The following SKAP2 variants were observed in gnomAD, a reference collection of about 807,000 sequenced individuals.
SKAP2 encodes src kinase-associated phosphoprotein 2.
A neutral mutation model predicts 54.9 loss-of-function variants in SKAP2; 28 were observed. The ratio of observed to expected loss-of-function variants is 0.51; its 90% CI spans 0.38 to 0.70. The LOEUF (loss-of-function observed/expected upper bound fraction) is 0.70, where lower values mean the gene tolerates loss of function less well. Among genes scored for constraint, SKAP2 ranks in the 30% least tolerant of loss-of-function variants. The probability of loss-of-function intolerance (pLI) is 0.00; values close to 1 mark genes in which losing one functional copy is unlikely to be tolerated. For synonymous variants in SKAP2, 137 were observed against 134.3 expected (o/e 1.02, Z -0.14); for missense variants, 356 against 424.1 (o/e 0.84, Z 1.41).
intron 9 of SKAP2, among the ~76,000 whole-genome samples, chr7:26,698,366 A>G (rs975220936): frequency 8.5e-5 from 13 of 152,184 alleles, no homozygotes; most frequent in East Asian, 1.9e-4. Context: ...TATTTTCATA[A>G]TAATACTAAG....
intron 1 of SKAP2, chr7:26,858,239 T>C (rs909553677): frequency 6.6e-6 from 1 of 152,074 alleles, no homozygotes; most frequent in African/African-American, 2.4e-5. Context: ...TCTACACTGC[T>C]TGCATTTAAC....
chr7:26,722,289 T>C (rs1412677238), intron 9 of SKAP2, among the ~76,000 whole-genome samples: 1 of 151,744 alleles, frequency 6.6e-6, no homozygotes, highest in Non-Finnish European at 1.5e-5. Context: ...GGTACTGTAA[T>C]GAAGTTAGAA....
At chr7:26,791,594 G>A (rs959121243) in intron 4 of SKAP2, among the ~76,000 whole-genome samples, 1 of 152,062 alleles carries the variant, frequency 6.6e-6, no homozygotes, top group Non-Finnish European at 1.5e-5. Context: ...ATCTATTTTG[G>A]TTATTTGTAT....
In SKAP2 at chr7:26,864,454, G is replaced by A. The variant is rs547326108; in HGVS notation, c.-25C>T. On this transcript the variant is annotated 5_prime_UTR_variant, in exon 1 of 13. Coordinates refer to ENST00000345317, the MANE Select transcript of SKAP2 (RefSeq NM_003930.5). ...TGTTAGGGAGCGCAGGGCGTGCGGGGAAAGGACCTGCGCTGAAAAGGTGAC... is the reference window on the plus strand; with the variant it reads ...TGTTAGGGAGCGCAGGGCGTGCGGGAAAAGGACCTGCGCTGAAAAGGTGAC... 262 of 1,588,354 alleles carry A rather than the reference G, an allele frequency of 1.6e-4. 3 individuals carry two copies. The South Asian group carries it at 2.4e-3, about 15-fold the overall frequency.
chr7:26,675,076 T>C (rs1786322837), intron 11 of SKAP2, among the ~76,000 whole-genome samples: 1 of 152,172 alleles, frequency 6.6e-6, no homozygotes, highest in Admixed American at 6.5e-5. Flanking sequence ...GCACCACTAA[T>C]TCAGGCCTTC....
intron 4 of SKAP2, among the ~76,000 whole-genome samples, chr7:26,793,875 G>C (rs1057399870): frequency 1.3e-5 from 2 of 152,196 alleles, no homozygotes; most frequent in Non-Finnish European, 2.9e-5. Flanking sequence ...AAAGCTGCAA[G>C]ATTCAGGCTT....
chr7:26,847,319 C>T (rs999474694), intron 3 of SKAP2, among the ~76,000 whole-genome samples: 2 of 152,026 alleles, frequency 1.3e-5, no homozygotes, highest in Non-Finnish European at 2.9e-5. Context: ...TACCATTGTT[C>T]CAGTGATGGT....
intron 6 of SKAP2, among the ~76,000 whole-genome samples, chr7:26,727,991 C>T (rs78718374): frequency 0.012 from 1,788 of 152,204 alleles, 35 homozygotes; most frequent in African/African-American, 0.04. Flanking sequence ...ATAAAAGATA[C>T]ATCTCCTTTT....
intron 4 of SKAP2, among the ~76,000 whole-genome samples, chr7:26,775,850 T>C (rs1783294803): frequency 6.6e-6 from 1 of 152,198 alleles, no homozygotes; most frequent in African/African-American, 2.4e-5. Context: ...ATTCAAGTTG[T>C]CATGTGTATC....
chr7:26,738,738 G>C (rs1265711273), intron 6 of SKAP2, 57 bp downstream of exon 6: 29 of 920,984 alleles, frequency 3.1e-5, no homozygotes, highest in Non-Finnish European at 5.2e-5. Context: ...AGAGGGGGAA[G>C]GGATGGCCAA....
chr7:26,827,203 G>A (rs1390766778), intron 4 of SKAP2, among the ~76,000 whole-genome samples: 1 of 152,144 alleles, frequency 6.6e-6, no homozygotes, highest in Non-Finnish European at 1.5e-5. Context: ...AGCTTCTGGA[G>A]GCATTTATAC....
intron 4 of SKAP2, among the ~76,000 whole-genome samples, chr7:26,747,753 TCTC>T (rs1782587642): frequency 6.6e-6 from 1 of 151,618 alleles, no homozygotes; most frequent in African/African-American, 2.4e-5. Flanking sequence ...GCTCCTCCCT[TCTC>T]TTCTTCTCAC....
intron 4 of SKAP2, among the ~76,000 whole-genome samples, chr7:26,771,572 T>C (rs891874): frequency 0.42 from 63,398 of 151,868 alleles, 13,618 homozygotes; most frequent in Middle Eastern, 0.49. Flanking sequence ...TAGAAGAGTA[T>C]ATACTTACAT....
chr7:26,853,401 G>C lies in SKAP2; in HGVS notation c.199+736C>G, dbSNP rs146150676. 1.4e-3 allele frequency among the ~76,000 whole-genome samples: 217 copies of C among 152,148 alleles called. 2 individuals carry two copies. Among genetic ancestry groups the C allele is most frequent in the Admixed American group, 6.0e-3 (91 of 15,286 alleles). On this transcript the variant is annotated intron_variant, in intron 3 of 12. Transcript: ENST00000345317. ...CTATGAATAAGTATCATGGAAGTAA[G>C]GGCCACACCCAGTTTCCCCTAAAGA...
At chr7:26,858,624 A>T (rs570349776) in intron 1 of SKAP2, among the ~76,000 whole-genome samples, 132 of 152,188 alleles carry the variant, frequency 8.7e-4, no homozygotes, top group African/African-American at 3.0e-3. Flanking sequence ...TTTAACATAT[A>T]GACCTCCTAA....
At chr7:26,814,674 A>G (rs1451753859) in intron 4 of SKAP2, among the ~76,000 whole-genome samples, 13 of 152,078 alleles carry the variant, frequency 8.5e-5, no homozygotes, top group Admixed American at 8.5e-4. Flanking sequence ...TTTAAACTCA[A>G]GAGAAACACT....
chr7:26,793,509 G>C (rs931702133), intron 4 of SKAP2, among the ~76,000 whole-genome samples: 2 of 152,104 alleles, frequency 1.3e-5, no homozygotes, highest in African/African-American at 4.8e-5. Context: ...ATAAGTCTAA[G>C]TTTTAAAATT....
chr7:26,786,870 T>C (rs1005090215), intron 4 of SKAP2, among the ~76,000 whole-genome samples: 3 of 152,184 alleles, frequency 2.0e-5, no homozygotes, highest in African/African-American at 7.2e-5. Flanking sequence ...CTCTCCTCCT[T>C]CTACAGATCA....
At chr7:26,790,786 AT>A (rs1783657419) in intron 4 of SKAP2, among the ~76,000 whole-genome samples, 1 of 152,230 alleles carries the variant, frequency 6.6e-6, no homozygotes, top group Non-Finnish European at 1.5e-5. Flanking sequence ...TTTCAAAACA[AT>A]GCTAATCCAA....
Sources: gnomAD v4.1 joint callset for allele counts (sites outside exome capture counted in the v4.1 genomes callset) on GRCh38, gnomAD v4.1.1 for gene constraint, MANE v1.5 for transcripts, NCBI Gene and HGNC (gene_info 2026-07-23, HGNC 2026-07-21) for gene names.